The following CSMD1 variants were observed in gnomAD, a reference collection of about 807,000 sequenced individuals.
The protein encoded by CSMD1 is CUB and sushi domain-containing protein 1.
In CSMD1, 213 loss-of-function variants were observed where a neutral mutation model predicts 417.5. That is an observed-to-expected ratio of 0.51 (90% CI 0.46 to 0.57). The LOEUF (loss-of-function observed/expected upper bound fraction) is 0.57. Among genes scored for constraint, CSMD1 ranks in the 20% least tolerant of loss-of-function variants. The pLI, the probability that CSMD1 is intolerant of heterozygous loss-of-function variation, is 0.00. For synonymous variants in CSMD1, 2,862 were observed against 1,736.8 expected, an observed-to-expected ratio of 1.65 and a Z score of -16.11; for missense variants, 6,923 against 4,529.7, an observed-to-expected ratio of 1.53 and a Z score of -15.17.
chr8:3,698,291 T>C (rs2129035851), intron 7 of CSMD1, among the ~76,000 whole-genome samples: 1 of 152,364 alleles, frequency 6.6e-6, no homozygotes, highest in East Asian at 1.9e-4. Context: ...TACAATCTAC[T>C]ACATTTGTTT....
intron 3 of CSMD1, among the ~76,000 whole-genome samples, chr8:4,403,955 C>A (rs907620502): frequency 6.6e-6 from 1 of 152,194 alleles, no homozygotes; most frequent in Admixed American, 6.5e-5. Context: ...CTTTCAAAAC[C>A]TTTGGCATCA....
intron 1 of CSMD1, chr8:4,787,914 G>T (rs1244166894): frequency 2.5e-6 from 4 of 1,590,644 alleles, no homozygotes; most frequent in African/African-American, 1.3e-5. Context: ...TAACCACAAA[G>T]AAATTGTTCT....
At chr8:4,020,474 C>G (rs1796735174) in intron 4 of CSMD1, among the ~76,000 whole-genome samples, 1 of 152,124 alleles carries the variant, frequency 6.6e-6, no homozygotes, top group Non-Finnish European at 1.5e-5. Context: ...TATGTGACCG[C>G]TAGGGTCAGG....
chr8:4,988,279 A>G (rs77169559), intron 1 of CSMD1, among the ~76,000 whole-genome samples: 2,081 of 152,342 alleles, frequency 0.014, 40 homozygotes, highest in African/African-American at 0.046. Context: ...AATTATGAGC[A>G]TTAAGATGCA....
chr8:3,828,764 C>T (rs1356171217), intron 5 of CSMD1, among the ~76,000 whole-genome samples: 2 of 152,080 alleles, frequency 1.3e-5, no homozygotes, highest in African/African-American at 2.4e-5. Context: ...TCAGTGAGGT[C>T]CTGTCACTTC....
chr8:4,286,680 G>A (rs969717250), intron 3 of CSMD1, among the ~76,000 whole-genome samples: 1 of 152,094 alleles, frequency 6.6e-6, no homozygotes, highest in African/African-American at 2.4e-5. Flanking sequence ...GATTTTGTAG[G>A]GCCACAGTGG....
At chr8:4,184,446 G>C (rs552841055) in intron 3 of CSMD1, among the ~76,000 whole-genome samples, 2 of 152,076 alleles carry the variant, frequency 1.3e-5, no homozygotes, top group African/African-American at 4.8e-5. Context: ...CAATATCAAA[G>C]GCATGAAATC....
chr8:3,214,604 G>A lies in CSMD1; in HGVS notation c.4760C>T (p.Thr1587Ile), dbSNP rs770526288. 3 of 1,565,920 alleles carry A rather than the reference G, an allele frequency of 1.9e-6. No homozygotes were observed. The highest frequency in any genetic ancestry group is 1.2e-5 in the South Asian group (1 of 84,866). ...GTDFKLGSTI[T>I]YQCDSGYKIL... ...CTTATAGCCAGAGTCACACTGGTAG[G>A]TGATGGTGGAGCCAAGCTTGAAGTC... Residue 1587 changes from threonine (T) to isoleucine (I), a missense_variant, in exon 30 of 70, where the codon ACC becomes ATC. Thr to Ile is a moderately conservative substitution (Grantham distance 89). Coordinates refer to ENST00000635120, the MANE Select transcript of CSMD1 (RefSeq NM_033225.6).
chr8:4,460,839 A>G (rs964124304), intron 2 of CSMD1, among the ~76,000 whole-genome samples: 1 of 152,188 alleles, frequency 6.6e-6, no homozygotes, highest in East Asian at 1.9e-4. Flanking sequence ...GAATTCTACC[A>G]AACATTGAGA....
At chr8:4,257,431 T>A (rs1296504065) in intron 3 of CSMD1, among the ~76,000 whole-genome samples, 1 of 152,212 alleles carries the variant, frequency 6.6e-6, no homozygotes, top group Non-Finnish European at 1.5e-5. Flanking sequence ...CTTTTCTCTC[T>A]CTTTAGGCTT....
chr8:4,644,386 C>A (rs1223800016), intron 1 of CSMD1, among the ~76,000 whole-genome samples: 1 of 147,176 alleles, frequency 6.8e-6, no homozygotes, highest in Admixed American at 6.9e-5. Flanking sequence ...CAGCAACATT[C>A]TTCCAACATT....
At chr8:4,480,824 C>T (rs984749964) in intron 2 of CSMD1, among the ~76,000 whole-genome samples, 7 of 152,172 alleles carry the variant, frequency 4.6e-5, no homozygotes, top group Admixed American at 4.6e-4. Context: ...GGCCGACTGC[C>T]ACATTCAGGT....
At chr8:3,025,855 A>G (rs1809831832) in intron 51 of CSMD1, among the ~76,000 whole-genome samples, 1 of 152,252 alleles carries the variant, frequency 6.6e-6, no homozygotes, top group Non-Finnish European at 1.5e-5. Flanking sequence ...TTAAATTAAT[A>G]CGTAAAATTG....
At chr8:4,409,497 A>G (rs572593683) in intron 3 of CSMD1, among the ~76,000 whole-genome samples, 1 of 152,348 alleles carries the variant, frequency 6.6e-6, no homozygotes, top group South Asian at 2.1e-4. Context: ...TTTGAGAACA[A>G]TAAAAATGTA....
intron 6 of CSMD1, among the ~76,000 whole-genome samples, chr8:3,748,956 A>C (rs1224217300): frequency 6.6e-6 from 1 of 152,202 alleles, no homozygotes. Flanking sequence ...TACTTTCATG[A>C]TGATTTATCA....
chr8:3,138,231 C>CAA, intron 41 of CSMD1, among the ~76,000 whole-genome samples: 1 of 152,158 alleles, frequency 6.6e-6, no homozygotes, highest in South Asian at 2.1e-4. Context: ...CTCTCGAAAA[C>CAA]AAAAAACCAT....
chr8:3,389,582 C>G (rs181513533), intron 17 of CSMD1, among the ~76,000 whole-genome samples: 1 of 151,858 alleles, frequency 6.6e-6, no homozygotes, highest in Non-Finnish European at 1.5e-5. Context: ...GTATGCACTA[C>G]GGCAAAACAG....
At chr8:4,033,008 A>G (rs1797429474) in intron 3 of CSMD1, among the ~76,000 whole-genome samples, 1 of 151,902 alleles carries the variant, frequency 6.6e-6, no homozygotes, top group East Asian at 1.9e-4. Flanking sequence ...TGCTACCTGG[A>G]GGCTTTGTAT....
chr8:3,571,248 A>T (rs1022626200), intron 10 of CSMD1, among the ~76,000 whole-genome samples: 3 of 152,142 alleles, frequency 2.0e-5, no homozygotes, highest in African/African-American at 7.2e-5. Context: ...TTCCTCGGCT[A>T]ACAACACACC....
Sources: allele counts gnomAD v4.1 joint callset (sites outside exome capture counted in the v4.1 genomes callset), GRCh38; gene constraint gnomAD v4.1.1; transcripts MANE v1.5; gene names NCBI Gene and HGNC (gene_info 2026-07-23, HGNC 2026-07-21).